The following EMID1 variants were observed in gnomAD, a reference collection of about 807,000 sequenced individuals.
EMID1 encodes the protein EMI domain containing 1, also known as EMI domain-containing protein 1.
A neutral mutation model predicts 60.6 loss-of-function variants in EMID1; 40 were observed. That is an observed-to-expected ratio of 0.66 (90% CI 0.51 to 0.86). The LOEUF is 0.86. Ranked by LOEUF, EMID1 falls within the 40% of genes least tolerant of loss-of-function variation. The pLI, the probability that EMID1 is intolerant of heterozygous loss-of-function variation, is 0.00. For missense variants in EMID1, 585 were observed against 597.1 expected, an observed-to-expected ratio of 0.98 and a Z score of 0.21; for synonymous variants, 242 against 231.0, an observed-to-expected ratio of 1.05 and a Z score of -0.43.
chr22:29,215,351 C>A, intron 2 of EMID1, 176 bp from the exon 3 acceptor site: 1 of 921,588 alleles, frequency 1.1e-6, no homozygotes, highest in Non-Finnish European at 1.3e-6. Flanking sequence ...ATCCCTGTGG[C>A]AAGGTGGTGG....
chr22:29,247,488 T>C (rs377535950), intron 13 of EMID1, among the ~76,000 whole-genome samples: 1 of 152,236 alleles, frequency 6.6e-6, no homozygotes, highest in African/African-American at 2.4e-5. Context: ...CTGTATGGTG[T>C]AGCCAATTGC....
chr22:29,251,837 G>C (rs550968797), intron 13 of EMID1, among the ~76,000 whole-genome samples: 1 of 152,154 alleles, frequency 6.6e-6, no homozygotes, highest in African/African-American at 2.4e-5. Context: ...GCTAATTTTT[G>C]TATTTTTAGT....
intron 13 of EMID1, among the ~76,000 whole-genome samples, chr22:29,252,551 A>G (rs754475985): frequency 1.3e-5 from 2 of 152,186 alleles, no homozygotes; most frequent in Non-Finnish European, 2.9e-5. Flanking sequence ...GGAAAGAGGA[A>G]GGAGTGAGGG....
intron 13 of EMID1, among the ~76,000 whole-genome samples, chr22:29,252,107 C>T (rs1327826753): frequency 6.6e-6 from 1 of 152,168 alleles, no homozygotes; most frequent in Non-Finnish European, 1.5e-5. Context: ...CTGTGCCTAG[C>T]GAAGGTCATT....
rs576639306 is a variant in EMID1, at chr22:29,258,812, G to C, written c.1205-5G>C. On this transcript the variant is annotated splice_region_variant and splice_polypyrimidine_tract_variant and intron_variant, in intron 14 of 14. Coordinates refer to ENST00000334018, the MANE Select transcript of EMID1 (RefSeq NM_133455.4). ...TGTGGCCTCTCTCCTTCTTCCCTCCGGCAGAACCAGAGCTGGGGTCTGGGG... is the reference window on the plus strand; with the variant it reads ...TGTGGCCTCTCTCCTTCTTCCCTCCCGCAGAACCAGAGCTGGGGTCTGGGG... 44 of 1,612,664 alleles carry C rather than the reference G, an allele frequency of 2.7e-5. No homozygotes were observed. Among genetic ancestry groups the C allele is most frequent in the Non-Finnish European group, 3.6e-5 (42 of 1,179,610 alleles).
rs1454318569 is a variant in EMID1 at position 29,237,650 on chromosome 22, A to G, written c.1074+3301A>G. ...CGTCTCTACTAAAAATACAAAAAAA[A>G]TGTAGCTGGGCGTGCTGGCAGGTGC... On this transcript the variant is annotated intron_variant, in intron 12 of 14. Coordinates refer to ENST00000334018, the MANE Select transcript of EMID1 (RefSeq NM_133455.4). Among the ~76,000 whole-genome samples the G allele has an allele frequency of 1.4e-5, 2 of 143,528 alleles. 1 individual carries two copies. The highest frequency in any genetic ancestry group is 5.5e-5 in the African/African-American group (2 of 36,288). The allele number at this position is 143,528 out of a possible 152,430, so 94.2% of individuals were successfully genotyped here. A position where few individuals can be genotyped will look rare whatever the true frequency, so the allele number is the denominator to read the frequency against.
intron 12 of EMID1, among the ~76,000 whole-genome samples, chr22:29,240,887 G>A (rs1056653551): frequency 6.6e-6 from 1 of 152,142 alleles, no homozygotes; most frequent in East Asian, 1.9e-4. Context: ...TCGCCCCCAT[G>A]ACCTGGTGTT....
intron 1 of EMID1, among the ~76,000 whole-genome samples, chr22:29,209,133 A>G (rs2039787680): frequency 6.6e-6 from 1 of 152,108 alleles, no homozygotes; most frequent in African/African-American, 2.4e-5. Flanking sequence ...GCCTCCTGCA[A>G]TTAGCCCCTA....
chr22:29,234,495 T>C (rs1183076025), intron 12 of EMID1, 146 bp downstream of exon 12: 6 of 957,286 alleles, frequency 6.3e-6, no homozygotes, highest in African/African-American at 5.0e-5. Flanking sequence ...CTGAGACTCA[T>C]TGTCCTCTTT....
Position 29,205,934 on chromosome 22 carries a change from G to A in EMID1, c.-105G>A. The A allele has an allele frequency of 5.1e-6, 3 of 592,738 alleles. No homozygotes were observed. The highest frequency in any genetic ancestry group is 6.5e-6 in the Non-Finnish European group (3 of 464,578). 36.7% of individuals were successfully genotyped at this position (592,738 alleles called of 1,614,324 possible). A position where few individuals can be genotyped will look rare whatever the true frequency, so the allele number is the denominator to read the frequency against. On this transcript the variant is annotated 5_prime_UTR_variant, in exon 1 of 15. Coordinates refer to ENST00000334018, the MANE Select transcript of EMID1 (RefSeq NM_133455.4). ...CCTCCGGCCGCGGAGCTGGAAACCG[G>A]GCTCCGCGCGTCCGGGGCGGCTGGC...
At chr22:29,229,414 C>T (rs558413705) in intron 5 of EMID1, among the ~76,000 whole-genome samples, 242 of 152,110 alleles carry the variant, frequency 1.6e-3, no homozygotes, top group Non-Finnish European at 2.5e-3. Context: ...GAAGCTGAGG[C>T]GGGCGGATCA....
At chr22:29,226,646 C>G in intron 5 of EMID1, 95 bp downstream of exon 5, 1 of 1,286,504 alleles carries the variant, frequency 7.8e-7, no homozygotes. Context: ...CCCCGCACCC[C>G]ATGCTCGCAC....
intron 4 of EMID1, among the ~76,000 whole-genome samples, chr22:29,225,844 A>T (rs1377535222): frequency 6.6e-6 from 1 of 152,204 alleles, no homozygotes; most frequent in Non-Finnish European, 1.5e-5. Flanking sequence ...AGGCTCTGTA[A>T]ATGTCCACAG....
chr22:29,243,324 G>C (rs954906411), intron 12 of EMID1, 121 bp from the exon 13 acceptor site: 4 of 983,666 alleles, frequency 4.1e-6, no homozygotes, highest in Non-Finnish European at 6.2e-6. Flanking sequence ...TCCAATACAA[G>C]CTACTTTCTG....
At chr22:29,256,048 A>G (rs1311436097) in intron 14 of EMID1, among the ~76,000 whole-genome samples, 2 of 152,064 alleles carry the variant, frequency 1.3e-5, no homozygotes, top group African/African-American at 4.8e-5. Flanking sequence ...GCTGGCCCTG[A>G]AGAAAGGAAG....
chr22:29,233,728 T>A, intron 10 of EMID1, 62 bp downstream of exon 10: 1 of 1,466,330 alleles, frequency 6.8e-7, no homozygotes, highest in Admixed American at 1.8e-5. Context: ...TATGCATACA[T>A]CCATACATCT....
chr22:29,209,114 C>G (rs569674101), intron 1 of EMID1, among the ~76,000 whole-genome samples: 1 of 152,334 alleles, frequency 6.6e-6, no homozygotes, highest in Admixed American at 6.5e-5. Context: ...GCCCCGGGCC[C>G]GCTTGGCTGC....
chr22:29,232,400 A>G lies in EMID1; in HGVS notation c.821A>G (p.His274Arg), dbSNP rs959484019. 2.3e-5 allele frequency: 37 copies of G among 1,575,322 alleles called. No homozygotes were observed. The highest frequency in any genetic ancestry group is 3.1e-5 in the Non-Finnish European group (36 of 1,163,108). The change falls in exon 8 of 15, where the codon CAT becomes CGT. Residue 274 changes from histidine (H) to arginine (R), a missense_variant and splice_region_variant. Transcript: ENST00000334018. Reference protein sequence around the residue: ...VGPPHARISQHGDPLLSNTFT... With the variant: ...VGPPHARISQRGDPLLSNTFT... Reference sequence around the variant, plus strand: ...CCACCCCATGCCCGGATCTCCCAGCATGGTGAGTCCCCCTGGGATCCCAGC... The same window carrying G: ...CCACCCCATGCCCGGATCTCCCAGCGTGGTGAGTCCCCCTGGGATCCCAGC...
Position 29,215,247 on chromosome 22 carries a change from T to C in EMID1, c.215+208T>C, listed in dbSNP as rs78569451. ...GGCTTCCTGAGGGATGGATACACCA[T>C]TTGCCTGCATTCCTTTACTCAGTGA... On this transcript the variant is annotated intron_variant, in intron 2 of 14. Coordinates refer to ENST00000334018, the MANE Select transcript of EMID1 (RefSeq NM_133455.4). 1.4e-3 allele frequency: 1,347 copies of C among 985,404 alleles called. 15 individuals carry two copies. In the African/African-American group the frequency reaches 0.022, roughly 16 times the overall value. The allele number at this position is 985,404 out of a possible 1,614,324, so 61.0% of individuals were successfully genotyped here.
Sources: allele counts gnomAD v4.1 joint callset (sites outside exome capture counted in the v4.1 genomes callset), GRCh38; gene constraint gnomAD v4.1.1; transcripts MANE v1.5; gene names NCBI Gene and HGNC (gene_info 2026-07-23, HGNC 2026-07-21).